The following CAMTA1 variants were observed in gnomAD, a reference collection of about 807,000 sequenced individuals.
The protein encoded by CAMTA1 is calmodulin binding transcription activator 1.
In CAMTA1, 27 loss-of-function variants were observed where a neutral mutation model predicts 170.9. The observed-to-expected ratio is 0.16, with a 90% confidence interval of 0.12 to 0.22. The LOEUF (loss-of-function observed/expected upper bound fraction) is 0.22, where lower values mean the gene tolerates loss of function less well. Among genes scored for constraint, CAMTA1 ranks in the 10% least tolerant of loss-of-function variants. The pLI, the probability that CAMTA1 is intolerant of heterozygous loss-of-function variation, is 1.00. For synonymous variants in CAMTA1, 833 were observed against 891.5 expected (o/e 0.93, Z 1.17); for missense variants, 1,619 against 2,217.2 (o/e 0.73, Z 5.42).
chr1:6,905,648 G>C (rs1338013107), intron 3 of CAMTA1, among the ~76,000 whole-genome samples: 1 of 152,108 alleles, frequency 6.6e-6, no homozygotes, highest in Non-Finnish European at 1.5e-5. Flanking sequence ...TCACATTCAA[G>C]TTTCAGTTAA....
chr1:7,265,923 G>T (rs906302060), intron 5 of CAMTA1, among the ~76,000 whole-genome samples: 1 of 152,204 alleles, frequency 6.6e-6, no homozygotes, highest in African/African-American at 2.4e-5. Flanking sequence ...AGTGACAAGG[G>T]TAGGGCTTGT....
intron 6 of CAMTA1, among the ~76,000 whole-genome samples, chr1:7,536,114 CTGGCAGCCCCCAGAGGTGACA>C (rs952617115): frequency 5.8e-4 from 89 of 152,196 alleles, no homozygotes; most frequent in Middle Eastern, 3.4e-3. Flanking sequence ...CCAAGCATCC[CTGGCAGCCCCCAGAGGTGACA>C]TGGCAGCCCC....
chr1:7,197,088 AT>A (rs1362919533), intron 4 of CAMTA1, among the ~76,000 whole-genome samples: 1 of 152,214 alleles, frequency 6.6e-6, no homozygotes, highest in East Asian at 1.9e-4. Flanking sequence ...CACACGGGTC[AT>A]CTGGCATCGT....
At chr1:7,715,643 G>T (rs919925133) in intron 11 of CAMTA1, among the ~76,000 whole-genome samples, 4 of 152,092 alleles carry the variant, frequency 2.6e-5, no homozygotes, top group Admixed American at 2.6e-4. Flanking sequence ...GCTTTTTTAC[G>T]TAATCCAAGG....
At position 7,602,035 on chromosome 1, in the gene CAMTA1, AGAGGGAGAG is replaced by A. The variant is rs1248380668; in HGVS notation, c.511-38354_511-38346del. Among the ~76,000 whole-genome samples the A allele has an allele frequency of 5.5e-5, 8 of 145,798 alleles. No individual in the cohort carries two copies. In the East Asian group the frequency reaches 1.6e-3, roughly 29 times the overall value. On this transcript the variant is annotated intron_variant, in intron 6 of 22. Coordinates refer to ENST00000303635, the MANE Select transcript of CAMTA1 (RefSeq NM_015215.4). The stretch of plus-strand genomic sequence containing the variant: ...GAGAGGGAGAGGAGGGAGAGGAGGG[AGAGGGAGAG>A]GAGGGAGAGGGAGAGGAGGAGCCTT...
chr1:7,348,602 A>C (rs921619044), intron 5 of CAMTA1, among the ~76,000 whole-genome samples: 2 of 152,256 alleles, frequency 1.3e-5, no homozygotes, highest in East Asian at 3.8e-4. Context: ...TTCCAGGGCG[A>C]GGATCCAACT....
rs557699541 is a variant in CAMTA1, at chr1:7,148,314, T to G, written c.302+56943T>G. Among the ~76,000 whole-genome samples, 4 of 151,236 alleles carry G rather than the reference T, an allele frequency of 2.6e-5. No individual in the cohort carries two copies. In the East Asian group the frequency reaches 7.8e-4, roughly 30 times the overall value. On this transcript the variant is annotated intron_variant, in intron 4 of 22. Coordinates refer to ENST00000303635, the MANE Select transcript of CAMTA1 (RefSeq NM_015215.4). ...CATACACATACTACACAGTGAAATG[T>G]ATGCCCCCCACACACACACCACACA...
chr1:7,392,104 C>T (rs1034466475), intron 5 of CAMTA1, among the ~76,000 whole-genome samples: 3 of 152,164 alleles, frequency 2.0e-5, no homozygotes, highest in Non-Finnish European at 2.9e-5. Flanking sequence ...GAGACTACTA[C>T]TTTGCATTCC....
chr1:7,236,854 A>G (rs1260795245), intron 4 of CAMTA1, among the ~76,000 whole-genome samples: 1 of 152,260 alleles, frequency 6.6e-6, no homozygotes, highest in Admixed American at 6.5e-5. Flanking sequence ...GTGCAGGTGC[A>G]TGAAATATGT....
At chr1:7,760,826 G>T (rs560434490) in intron 22 of CAMTA1, among the ~76,000 whole-genome samples, 1 of 152,270 alleles carries the variant, frequency 6.6e-6, no homozygotes, top group South Asian at 2.1e-4. Context: ...TATTTTTGAC[G>T]TCCAGCATTG....
At chr1:7,488,896 T>C (rs2093660658) in intron 6 of CAMTA1, among the ~76,000 whole-genome samples, 1 of 152,068 alleles carries the variant, frequency 6.6e-6, no homozygotes, top group South Asian at 2.1e-4. Flanking sequence ...TGTACATATG[T>C]ACATTTATAC....
rs1189137515 is a variant in CAMTA1, at chr1:7,469,033, T to C, written c.510+1132T>C. ...TAGACAGGGCCCTCTATCCATCGGC[T>C]CTGCCCAGCCCCAGCCTCCAAACCC... is the stretch of plus-strand genomic sequence containing the variant. On this transcript the variant is annotated intron_variant, in intron 6 of 22. Transcript: ENST00000303635. Among the ~76,000 whole-genome samples, 16 of 152,220 alleles carry C rather than the reference T, an allele frequency of 1.1e-4. 1 individual carries two copies. Among genetic ancestry groups the C allele is most frequent in the Admixed American group, 1.0e-3 (16 of 15,290 alleles).
intron 15 of CAMTA1, 148 bp downstream of exon 15, chr1:7,737,718 C>A: frequency 2.3e-6 from 2 of 864,498 alleles, no homozygotes; most frequent in African/African-American, 1.7e-5. Flanking sequence ...ATGCCTAGTG[C>A]TGCCCCCTCC....
chr1:7,305,862 T>A (rs1283518211), intron 5 of CAMTA1, among the ~76,000 whole-genome samples: 1 of 152,106 alleles, frequency 6.6e-6, no homozygotes, highest in Non-Finnish European at 1.5e-5. Context: ...TTAATAGGCG[T>A]GTACTGGTAT....
chr1:7,054,861 T>G (rs1707047867), intron 3 of CAMTA1, among the ~76,000 whole-genome samples: 1 of 152,186 alleles, frequency 6.6e-6, no homozygotes, highest in Non-Finnish European at 1.5e-5. Context: ...GCTCACAGTT[T>G]GGCAGGCTGG....
At chr1:7,432,312 C>T (rs918261100) in intron 5 of CAMTA1, among the ~76,000 whole-genome samples, 2 of 152,202 alleles carry the variant, frequency 1.3e-5, no homozygotes, top group African/African-American at 2.4e-5. Context: ...CAAGGTCACA[C>T]AGCCGGAAAG....
chr1:7,705,628 G>A (rs191855331), intron 11 of CAMTA1, among the ~76,000 whole-genome samples: 29 of 152,164 alleles, frequency 1.9e-4, no homozygotes, highest in African/African-American at 6.0e-4. Flanking sequence ...ACCCAGTGCC[G>A]CCTCCTTCCC....
intron 4 of CAMTA1, chr1:7,142,061 G>A (rs1305680047): frequency 1.9e-6 from 1 of 517,166 alleles, no homozygotes; most frequent in East Asian, 5.5e-5. Context: ...AAGGGCCCTT[G>A]CTAAGCTGCT....
chr1:7,110,129 T>C (rs1296245179), intron 4 of CAMTA1, among the ~76,000 whole-genome samples: 1 of 152,206 alleles, frequency 6.6e-6, no homozygotes, highest in Non-Finnish European at 1.5e-5. Flanking sequence ...CTCCAGGTGA[T>C]GGCTTAATTT....
Sources: allele counts gnomAD v4.1 joint callset (sites outside exome capture counted in the v4.1 genomes callset), GRCh38; gene constraint gnomAD v4.1.1; transcripts MANE v1.5; gene names NCBI Gene and HGNC (gene_info 2026-07-23, HGNC 2026-07-21).